Variants in DDX39A observed in about 807,000 individuals in gnomAD.
The protein encoded by DDX39A is DExD-box helicase 39A.
In DDX39A, 13 loss-of-function variants were observed where a neutral mutation model predicts 46.3. The observed-to-expected ratio is 0.28, with a 90% CI of 0.18 to 0.45. DDX39A has a LOEUF of 0.45. Among genes scored for constraint, DDX39A ranks in the 20% least tolerant of loss-of-function variants. The pLI is 1.00. For missense variants in DDX39A, 352 were observed against 581.8 expected, an observed-to-expected ratio of 0.61 and a Z score of 4.06; for synonymous variants, 234 against 224.6, an observed-to-expected ratio of 1.04 and a Z score of -0.38.
intron 1 of DDX39A, 123 bp from the exon 2 acceptor site, chr19:14,413,347 CT>C: frequency 1.2e-6 from 1 of 863,702 alleles, no homozygotes. Context: ...TGGGCTGCAC[CT>C]CGCAGCTTCG....
rs908345442 is a variant in DDX39A at position 14,412,308 on chromosome 19, T to C, written c.336+243A>G. ...GGCACTTTCCAGTTATTTTGGCTTA[T>C]TGGCAATTTCTAATTTTTGTTATAA... On this transcript the variant is annotated intron_variant, in intron 3 of 10. Transcript: ENST00000242776. This position sits in a 1 kb window ranked among gnomAD's most constrained non-coding sequence, Gnocchi z 4.4. 1.5e-5 allele frequency: 7 copies of C among 467,718 alleles called. No homozygotes were observed. Among genetic ancestry groups the C allele is most frequent in the African/African-American group, 9.9e-5 (5 of 50,586 alleles). 29.0% of individuals were successfully genotyped at this position (467,718 alleles called of 1,614,324 possible).
rs373060190 is a variant in DDX39A at position 14,409,865 on chromosome 19, C to T, written c.741G>A (p.Glu247=). The T allele has an allele frequency of 1.2e-6, 2 of 1,613,842 alleles. No individual in the cohort carries two copies. Among genetic ancestry groups the T allele is most frequent in the African/African-American group, 1.3e-5 (1 of 74,920 alleles). The change falls in exon 7 of 11, where the codon GAG becomes GAA. Residue 247 remains glutamate, a synonymous_variant. Transcript: ENST00000242776. The surrounding 1 kb of genome is among the most constrained non-coding windows in gnomAD (Gnocchi z 8.3). ...VCRKFMQDPM[E]VFVDDETKLT... is the part of the protein sequence containing the mutation. ...GCTTGGTCTCGTCGTCCACAAACAC[C>T]TCCATGGGCTGTGTGGGAAGGGAGG...
intron 1 of DDX39A, among the ~76,000 whole-genome samples, chr19:14,417,977 T>C (rs1384594056): frequency 2.0e-5 from 3 of 152,060 alleles, no homozygotes; most frequent in Non-Finnish European, 4.4e-5. Context: ...GAGACAAGCC[T>C]GGGCAACATG....
rs1238608912 is a variant in DDX39A, at chr19:14,409,325, T to C, written c.1097A>G (p.Asp366Gly). The change falls in exon 9 of 11, where the codon GAC (aspartate) becomes GGC (glycine). Residue 366 changes from aspartate (D) to glycine (G), a missense_variant. Coordinates refer to ENST00000242776, the MANE Select transcript of DDX39A (RefSeq NM_005804.4). The surrounding 1 kb of genome is among the most constrained non-coding windows in gnomAD (Gnocchi z 8.3). ...NIVFNYDMPEDSDTYLHRVAR... is the reference protein window; with the variant it reads ...NIVFNYDMPEGSDTYLHRVAR... The stretch of plus-strand genomic sequence containing the variant: ...CACCCGGTGCAGGTAGGTGTCCGAG[T>C]CCTCAGGCATGTCGTAGTTAAAGAC... The C allele has an allele frequency of 6.2e-7, 1 of 1,614,048 alleles. No individual in the cohort carries two copies. Among genetic ancestry groups the C allele is most frequent in the African/African-American group, 1.3e-5 (1 of 74,984 alleles).
Position 14,409,197 on chromosome 19 carries a change from A to G in DDX39A, c.1120-13T>C, listed in dbSNP as rs112992675. The stretch of plus-strand genomic sequence containing the variant: ...CCGCCCGGGCCACCTGCAGGCAGAC[A>G]GGATCAGGGTCAGGCCACAGATACT... On this transcript the variant is annotated splice_polypyrimidine_tract_variant and intron_variant, in intron 9 of 10. Coordinates refer to ENST00000242776, the MANE Select transcript of DDX39A (RefSeq NM_005804.4). This position sits in a 1 kb window ranked among gnomAD's most constrained non-coding sequence, Gnocchi z 8.3. 10 of 1,614,204 alleles carry G rather than the reference A, an allele frequency of 6.2e-6. No individual in the cohort carries two copies. In the South Asian group the frequency reaches 1.1e-4, roughly 18 times the overall value.
rs1976447165 is a variant in DDX39A, at chr19:14,409,258, C to T, written c.1119+45G>A. On this transcript the variant is annotated intron_variant, in intron 9 of 10. Coordinates refer to ENST00000242776, the MANE Select transcript of DDX39A (RefSeq NM_005804.4). This position sits in a 1 kb window ranked among gnomAD's most constrained non-coding sequence, Gnocchi z 8.3. Reference sequence around the variant, plus strand: ...TTGAGGAAAAGCAGGGCTGGGGCCCCACCCCACCGCCAGGGGAAAGCAACA... The same window carrying T: ...TTGAGGAAAAGCAGGGCTGGGGCCCTACCCCACCGCCAGGGGAAAGCAACA... 1.9e-6 allele frequency: 3 copies of T among 1,612,934 alleles called. No individual in the cohort carries two copies. The highest frequency in any genetic ancestry group is 2.5e-6 in the Non-Finnish European group (3 of 1,179,106).
chr19:14,415,307 C>G (rs2420542), intron 1 of DDX39A, among the ~76,000 whole-genome samples: 1 of 150,876 alleles, frequency 6.6e-6, no homozygotes, highest in Non-Finnish European at 1.5e-5. Flanking sequence ...CCTTTTTTTT[C>G]CCCCCTCTTT....
At chr19:14,419,136 AC>A (rs1250151272) in intron 1 of DDX39A, 133 bp downstream of exon 1, 3 of 362,062 alleles carry the variant, frequency 8.3e-6, no homozygotes, top group Non-Finnish European at 1.6e-5. Context: ...GCTCTGACAC[AC>A]CAACCGCCCC....
Position 14,410,550 on chromosome 19 carries a change from G to A in DDX39A, c.614-216C>T, listed in dbSNP as rs571244668. ...GGGAGGAGCTGCAATCCACTTACAC[G>A]CTGGCGCGGAGCAGCCGTGCCCGTG... On this transcript the variant is annotated intron_variant, in intron 5 of 10. Coordinates refer to ENST00000242776, the MANE Select transcript of DDX39A (RefSeq NM_005804.4). This position sits in a 1 kb window ranked among gnomAD's most constrained non-coding sequence, Gnocchi z 4.3. The A allele has an allele frequency of 2.8e-4, 163 of 578,506 alleles. 1 individual carries two copies. The South Asian group carries it at 3.0e-3, about 11-fold the overall frequency. 35.8% of individuals were successfully genotyped at this position (578,506 alleles called of 1,614,324 possible). A position where few individuals can be genotyped will look rare whatever the true frequency, so the allele number is the denominator to read the frequency against.
chr19:14,409,161 G>A lies in DDX39A; in HGVS notation c.1143C>T (p.Gly381=), dbSNP rs1171627128. 19 of 1,614,038 alleles carry A rather than the reference G, an allele frequency of 1.2e-5. No homozygotes were observed. Among genetic ancestry groups the A allele is most frequent in the Admixed American group, 3.3e-5 (2 of 60,000 alleles). The part of the protein sequence containing the change: ...LHRVARAGRF[G]TKGLAITFVS... ...CAAAAGTGATGGCTAGGCCTTTGGT[G>A]CCAAAGCGACCCGCCCGGGCCACCT... Residue 381 remains glycine (G), a synonymous_variant, in exon 10 of 11, where the codon GGC becomes GGT. Transcript: ENST00000242776. The surrounding 1 kb of genome is among the most constrained non-coding windows in gnomAD (Gnocchi z 8.3).
At chr19:14,414,631 G>C (rs571151363) in intron 1 of DDX39A, among the ~76,000 whole-genome samples, 52 of 147,792 alleles carry the variant, frequency 3.5e-4, no homozygotes, top group African/African-American at 1.3e-3. Flanking sequence ...TTACAGGTGT[G>C]AGCCACCGCG....
In DDX39A at chr19:14,409,945, A is replaced by T. The variant is rs755797549; in HGVS notation, c.733-72T>A. 2 of 1,573,086 alleles carry T rather than the reference A, an allele frequency of 1.3e-6. No individual in the cohort carries two copies. The highest frequency in any genetic ancestry group is 3.3e-5 in the Admixed American group (2 of 59,964). Reference sequence around the variant, plus strand: ...GCATCTCGCCTGCCCAGAACCTTCCAGTGGGCGACTCCTTTGTGCGACACT... The same window carrying T: ...GCATCTCGCCTGCCCAGAACCTTCCTGTGGGCGACTCCTTTGTGCGACACT... On this transcript the variant is annotated intron_variant, in intron 6 of 10. Transcript: ENST00000242776. The surrounding 1 kb of genome is among the most constrained non-coding windows in gnomAD (Gnocchi z 8.3).
At position 14,410,358 on chromosome 19, in the gene DDX39A, G is replaced by C; in HGVS notation, c.614-24C>G. The C allele has an allele frequency of 6.3e-7, 1 of 1,598,928 alleles. No individual in the cohort carries two copies. Among genetic ancestry groups the C allele is most frequent in the Non-Finnish European group, 8.6e-7 (1 of 1,166,570 alleles). ...GTCTAGGTGGGGAGGGCAAGACATGGGTGGGCATGAGCGTCTGCCATGCAG... is the reference window on the plus strand; with the variant it reads ...GTCTAGGTGGGGAGGGCAAGACATGCGTGGGCATGAGCGTCTGCCATGCAG... On this transcript the variant is annotated intron_variant, in intron 5 of 10. Transcript: ENST00000242776. The surrounding 1 kb of genome is among the most constrained non-coding windows in gnomAD (Gnocchi z 4.3).
At chr19:14,418,692 C>T (rs1414858483) in intron 1 of DDX39A, among the ~76,000 whole-genome samples, 3 of 152,048 alleles carry the variant, frequency 2.0e-5, no homozygotes. Flanking sequence ...GAACTCCTGA[C>T]CTCAAGTGAT....
Position 14,411,476 on chromosome 19 carries a change from G to T in DDX39A, c.429+30C>A. 6.3e-7 allele frequency: 1 copy of T among 1,589,168 alleles called. No individual in the cohort carries two copies. The highest frequency in any genetic ancestry group is 8.6e-7 in the Non-Finnish European group (1 of 1,157,830). On this transcript the variant is annotated intron_variant, in intron 4 of 10. Coordinates refer to ENST00000242776, the MANE Select transcript of DDX39A (RefSeq NM_005804.4). This position sits in a 1 kb window ranked among gnomAD's most constrained non-coding sequence, Gnocchi z 4.1. Reference sequence around the variant, plus strand: ...AACAAAGCTGCAGAAACCAAGTGGCGCCTGGTCCAGTCTGGCCCGAGGGAC... The same window carrying T: ...AACAAAGCTGCAGAAACCAAGTGGCTCCTGGTCCAGTCTGGCCCGAGGGAC...
Position 14,409,850 on chromosome 19 carries a change from G to C in DDX39A, c.756C>G (p.Asp252Glu). 1 of 1,614,016 alleles carries C rather than the reference G, an allele frequency of 6.2e-7. No individual in the cohort carries two copies. Among genetic ancestry groups the C allele is most frequent in the East Asian group, 2.2e-5 (1 of 44,874 alleles). Residue 252 changes from aspartate to glutamate, a missense_variant, in exon 7 of 11, where the codon GAC becomes GAG. Coordinates refer to ENST00000242776, the MANE Select transcript of DDX39A (RefSeq NM_005804.4). This position sits in a 1 kb window ranked among gnomAD's most constrained non-coding sequence, Gnocchi z 8.3. ...GGCCGTGCAGCGTGAGCTTGGTCTC[G>C]TCGTCCACAAACACCTCCATGGGCT... is the stretch of plus-strand genomic sequence containing the variant. ...MQDPMEVFVD[D>E]ETKLTLHGLQ...
intron 1 of DDX39A, chr19:14,419,069 C>CA: frequency 2.2e-6 from 1 of 445,742 alleles, no homozygotes; most frequent in South Asian, 1.6e-5. Flanking sequence ...CACCGCGCGC[C>CA]AACGGCTGGC....
chr19:14,410,226 A>C lies in DDX39A; in HGVS notation c.722T>G (p.Phe241Cys). Residue 241 changes from phenylalanine (F) to cysteine (C), a missense_variant, in exon 6 of 11, where the codon TTC (phenylalanine) becomes TGC (cysteine). Physicochemically the swap from Phe to Cys is radical, Grantham distance 205 (BLOSUM62 -2). Coordinates refer to ENST00000242776, the MANE Select transcript of DDX39A (RefSeq NM_005804.4). The surrounding 1 kb of genome is among the most constrained non-coding windows in gnomAD (Gnocchi z 4.3). ...TCTCGCCCTACTCACATCCTGCATG[A>C]ACTTCCTGCACACAGGCCGGATGTC... ...SKDIRPVCRK[F>C]MQDPMEVFVD... 1 of 1,613,954 alleles carries C rather than the reference A, an allele frequency of 6.2e-7. No homozygotes were observed. The highest frequency in any genetic ancestry group is 8.5e-7 in the Non-Finnish European group (1 of 1,179,916).
rs374478126 is a variant in DDX39A, at chr19:14,412,505, C to T, written c.336+46G>A. On this transcript the variant is annotated intron_variant, in intron 3 of 10. Transcript: ENST00000242776. The surrounding 1 kb of genome is among the most constrained non-coding windows in gnomAD (Gnocchi z 4.4). ...CACCCCATCCAGCCTACTCTACTTC[C>T]GCCGCCACAGGCAGGGTGGGGCCAG... 3.2e-5 allele frequency: 50 copies of T among 1,583,260 alleles called. No homozygotes were observed. Among genetic ancestry groups the T allele is most frequent in the Admixed American group, 1.0e-4 (6 of 58,860 alleles).
Sources: gnomAD v4.1 joint callset for allele counts (sites outside exome capture counted in the v4.1 genomes callset) on GRCh38, gnomAD v4.1.1 for gene constraint, Gnocchi (gnomAD v3.1) non-coding constraint, MANE v1.5 for transcripts, NCBI Gene and HGNC (gene_info 2026-07-23, HGNC 2026-07-21) for gene names.